Variants in PKHD1 observed in about 807,000 individuals in gnomAD.
PKHD1 encodes PKHD1 ciliary IPT domain containing fibrocystin/polyductin.
Under a neutral mutation model 412.0 loss-of-function variants are expected in PKHD1, and 291 were observed. The observed-to-expected ratio is 0.71, with a 90% CI of 0.64 to 0.78. The LOEUF is 0.78. Ranked by LOEUF, PKHD1 falls within the 30% of genes least tolerant of loss-of-function variation. PKHD1 has a pLI of 0.00. For missense variants in PKHD1, 4,825 were observed against 4,950.7 expected, an observed-to-expected ratio of 0.97 and a Z score of 0.76; for synonymous variants, 1,777 against 1,821.5, an observed-to-expected ratio of 0.98 and a Z score of 0.62.
At chr6:52,063,239 C>G (rs1808951888) in intron 13 of PKHD1, among the ~76,000 whole-genome samples, 2 of 152,180 alleles carry the variant, frequency 1.3e-5, no homozygotes. Flanking sequence ...TAAGCAAACC[C>G]TGAGGCCAAA....
intron 11 of PKHD1, among the ~76,000 whole-genome samples, chr6:52,068,357 A>G (rs1191320948): frequency 6.6e-6 from 1 of 152,196 alleles, no homozygotes; most frequent in Non-Finnish European, 1.5e-5. Context: ...CTGGAAATGT[A>G]AAAGAGCTGT....
chr6:51,782,173 A>G (rs1038790394), intron 53 of PKHD1, among the ~76,000 whole-genome samples: 5 of 152,082 alleles, frequency 3.3e-5, no homozygotes, highest in East Asian at 1.9e-4. Flanking sequence ...AAAATAGGAA[A>G]GATGATTACT....
chr6:51,763,807 T>C (rs555918977), intron 55 of PKHD1, among the ~76,000 whole-genome samples: 67 of 152,140 alleles, frequency 4.4e-4, no homozygotes, highest in African/African-American at 1.6e-3. Context: ...CTGGATCTAC[T>C]ATCAAGCTCT....
At position 51,737,709 on chromosome 6, in the gene PKHD1, A is replaced by G. The variant is rs1026809023; in HGVS notation, c.10156+6676T>C. Among the ~76,000 whole-genome samples the G allele has an allele frequency of 9.6e-5, 14 of 145,158 alleles. No homozygotes were observed. The East Asian group carries it at 1.8e-3, about 19-fold the overall frequency. The stretch of plus-strand genomic sequence containing the variant: ...CAAGCCTAACACAGCAGAATCACTT[A>G]TTGTTTGTGTGTGTGTGAGTGTGTG... On this transcript the variant is annotated intron_variant, in intron 60 of 66. Coordinates refer to ENST00000371117, the MANE Select transcript of PKHD1 (RefSeq NM_138694.4).
At chr6:51,856,709 T>C (rs9370073) in intron 48 of PKHD1, among the ~76,000 whole-genome samples, 61,195 of 152,026 alleles carry the variant, frequency 0.4, 13,518 homozygotes, top group East Asian at 0.85. Flanking sequence ...TCTCCTGCAG[T>C]CTTGTGTAAT....
chr6:51,855,496 A>C (rs752636347), intron 49 of PKHD1, among the ~76,000 whole-genome samples: 1 of 152,164 alleles, frequency 6.6e-6, no homozygotes, highest in Non-Finnish European at 1.5e-5. Context: ...CAATGTATAA[A>C]TGCTTTGGTA....
chr6:51,939,799 C>G (rs1788179953), intron 36 of PKHD1, among the ~76,000 whole-genome samples: 2 of 151,414 alleles, frequency 1.3e-5, no homozygotes, highest in African/African-American at 4.8e-5. Flanking sequence ...ACAGACCCAT[C>G]TGACTTCTCC....
intron 53 of PKHD1, 57 bp from the exon 54 acceptor site, chr6:51,775,978 G>A: frequency 3.5e-6 from 3 of 849,608 alleles, no homozygotes; most frequent in Non-Finnish European, 6.1e-6. Context: ...AGAAAGAGAG[G>A]GAGAAATTGC....
At chr6:52,045,836 T>C (rs962872111) in intron 24 of PKHD1, among the ~76,000 whole-genome samples, 168 bp downstream of exon 24, 1 of 152,182 alleles carries the variant, frequency 6.6e-6, no homozygotes, top group African/African-American at 2.4e-5. Flanking sequence ...ATATACAAAA[T>C]ATGTGTTGAA....
intron 37 of PKHD1, among the ~76,000 whole-genome samples, chr6:51,921,920 C>T (rs61096045): frequency 0.011 from 1,634 of 152,296 alleles, 33 homozygotes; most frequent in African/African-American, 0.038. Context: ...TCTTCTGAAG[C>T]CTACTTCTGT....
intron 62 of PKHD1, among the ~76,000 whole-genome samples, chr6:51,648,640 G>A (rs1477573559): frequency 6.6e-6 from 1 of 152,166 alleles, no homozygotes; most frequent in African/African-American, 2.4e-5. Flanking sequence ...ACTGAAATTA[G>A]AATTAAGCAC....
At chr6:51,770,211 T>G (rs1789838329) in intron 55 of PKHD1, among the ~76,000 whole-genome samples, 1 of 151,836 alleles carries the variant, frequency 6.6e-6, no homozygotes, top group South Asian at 2.1e-4. Flanking sequence ...CACCTTACAT[T>G]TCCTAGAGAT....
At chr6:52,004,042 A>C (rs1383508384) in intron 35 of PKHD1, among the ~76,000 whole-genome samples, 1 of 152,198 alleles carries the variant, frequency 6.6e-6, no homozygotes, top group African/African-American at 2.4e-5. Context: ...AGTTTTCACC[A>C]AATTTAGAAA....
chr6:51,883,260 G>C, intron 45 of PKHD1, 33 bp from the exon 46 acceptor site: 2 of 1,607,874 alleles, frequency 1.2e-6, no homozygotes, highest in Non-Finnish European at 1.7e-6. Context: ...GCAAAGGTCT[G>C]AGGCTTGGTT....
chr6:51,887,214 T>C lies in PKHD1; in HGVS notation c.7028A>G (p.Tyr2343Cys). 6.2e-7 allele frequency: 1 copy of C among 1,612,412 alleles called. No homozygotes were observed. Among genetic ancestry groups the C allele is most frequent in the Non-Finnish European group, 8.5e-7 (1 of 1,178,474 alleles). The change falls in exon 44 of 67, where the codon TAC becomes TGC. Residue 2343 changes from tyrosine (Y) to cysteine (C), a missense_variant. Tyr to Cys is a radical substitution (Grantham distance 194). Transcript: ENST00000371117. Reference protein sequence around the residue: ...GNRVCGAGYGYFFHLMTNQTS... With the variant: ...GNRVCGAGYGCFFHLMTNQTS... ...TTGGTTGGTCATGAGATGGAAAAAG[T>C]AGCCATAGCCAGCACCACACACTCT...
chr6:51,981,596 G>C (rs1795312048), intron 35 of PKHD1, among the ~76,000 whole-genome samples: 1 of 126,318 alleles, frequency 7.9e-6, no homozygotes, highest in Non-Finnish European at 1.9e-5. Context: ...CGGGATTGCG[G>C]ACGGAGTCTC....
intron 37 of PKHD1, among the ~76,000 whole-genome samples, chr6:51,914,319 T>C (rs1450164014): frequency 1.3e-5 from 2 of 152,152 alleles, no homozygotes; most frequent in Non-Finnish European, 2.9e-5. Context: ...GTTACATCTT[T>C]GTAAATATTG....
chr6:52,011,532 T>C (rs926290705), intron 34 of PKHD1, among the ~76,000 whole-genome samples: 2 of 152,212 alleles, frequency 1.3e-5, no homozygotes, highest in African/African-American at 4.8e-5. Flanking sequence ...AGTTTTGAAA[T>C]GCTGATTGAA....
chr6:51,965,565 C>T (rs771610843), intron 35 of PKHD1, among the ~76,000 whole-genome samples: 5 of 151,822 alleles, frequency 3.3e-5, no homozygotes, highest in Non-Finnish European at 7.4e-5. Context: ...TAAGTGATCA[C>T]TTTCTTTTCT....
Sources: gnomAD v4.1 joint callset for allele counts (sites outside exome capture counted in the v4.1 genomes callset) on GRCh38, gnomAD v4.1.1 for gene constraint, MANE v1.5 for transcripts, NCBI Gene and HGNC (gene_info 2026-07-23, HGNC 2026-07-21) for gene names.